Variants in DOK5 observed in about 807,000 individuals in gnomAD.
The protein encoded by DOK5 is docking protein 5.
DOK5 carries 27 observed loss-of-function variants against 43.3 expected under a neutral mutation model. The ratio of observed to expected loss-of-function variants is 0.62; its 90% confidence interval spans 0.46 to 0.86. The LOEUF (loss-of-function observed/expected upper bound fraction) is 0.86, where lower values mean the gene tolerates loss of function less well. Ranked by LOEUF, DOK5 falls within the 40% of genes least tolerant of loss-of-function variation. DOK5 has a pLI of 0.00. For synonymous variants in DOK5, 146 were observed against 140.1 expected (o/e 1.04, Z -0.30); for missense variants, 373 against 392.9 (o/e 0.95, Z 0.43).
At position 54,562,728 on chromosome 20, in the gene DOK5, G is replaced by A. The variant is rs569226295; in HGVS notation, c.174+7688G>A. Among the ~76,000 whole-genome samples the A allele has an allele frequency of 4.7e-5, 7 of 149,962 alleles. No individual in the cohort carries two copies. In the East Asian group the frequency reaches 1.4e-3, roughly 29 times the overall value. On this transcript the variant is annotated intron_variant, in intron 2 of 7. Coordinates refer to ENST00000262593, the MANE Select transcript of DOK5 (RefSeq NM_018431.5). Reference sequence around the variant, plus strand: ...CCACTGTGCCAGGCCTCATTTGTACGCATATTTACATTAAAAAAATCAATC... The same window carrying A: ...CCACTGTGCCAGGCCTCATTTGTACACATATTTACATTAAAAAAATCAATC...
chr20:54,513,822 G>T (rs985762507), intron 1 of DOK5, among the ~76,000 whole-genome samples: 1 of 152,186 alleles, frequency 6.6e-6, no homozygotes, highest in Non-Finnish European at 1.5e-5. Flanking sequence ...ATAAATACGA[G>T]AACAGTTTTC....
chr20:54,606,413 G>A (rs1292565513), intron 5 of DOK5, among the ~76,000 whole-genome samples: 1 of 152,122 alleles, frequency 6.6e-6, no homozygotes, highest in East Asian at 1.9e-4. Flanking sequence ...GGAGGAATCG[G>A]GAGCAACAGA....
At chr20:54,555,174 A>G (rs1056743106) in intron 2 of DOK5, 134 bp downstream of exon 2, 1 of 624,770 alleles carries the variant, frequency 1.6e-6, no homozygotes, top group Non-Finnish European at 2.9e-6. Flanking sequence ...CACCCCTAAA[A>G]TAACATCTGC....
chr20:54,491,253 T>C (rs547637999), intron 1 of DOK5, among the ~76,000 whole-genome samples: 1 of 152,382 alleles, frequency 6.6e-6, no homozygotes, highest in South Asian at 2.1e-4. Context: ...TCTTAGTGGC[T>C]AGAATAGTAT....
chr20:54,556,750 G>T (rs148182425), intron 2 of DOK5, among the ~76,000 whole-genome samples: 36 of 152,214 alleles, frequency 2.4e-4, no homozygotes, highest in Middle Eastern at 3.4e-3. Context: ...ACCTTAGCCG[G>T]TCTGTAACTT....
chr20:54,480,564 C>T lies in DOK5; in HGVS notation c.66+4552C>T, dbSNP rs1981629091. Among the ~76,000 whole-genome samples, 3 of 152,212 alleles carry T rather than the reference C, an allele frequency of 2.0e-5. No homozygotes were observed. The South Asian group carries it at 6.2e-4, about 32-fold the overall frequency. Reference sequence around the variant, plus strand: ...CCAGCAGCCCTCGGGGCTGCTCCGTCTATGGAGTAGCCATTCTTTATGCCT... The same window carrying T: ...CCAGCAGCCCTCGGGGCTGCTCCGTTTATGGAGTAGCCATTCTTTATGCCT... On this transcript the variant is annotated intron_variant, in intron 1 of 7. Coordinates refer to ENST00000262593, the MANE Select transcript of DOK5 (RefSeq NM_018431.5).
chr20:54,626,862 C>T (rs543863789), intron 6 of DOK5, among the ~76,000 whole-genome samples: 223 of 152,306 alleles, frequency 1.5e-3, no homozygotes, highest in Middle Eastern at 6.8e-3. Context: ...CTACAGCCCA[C>T]GGGTGCAATC....
At chr20:54,646,755 T>C (rs550281025) in intron 7 of DOK5, among the ~76,000 whole-genome samples, 2 of 152,218 alleles carry the variant, frequency 1.3e-5, no homozygotes, top group Non-Finnish European at 2.9e-5. Context: ...GGAAATAGGA[T>C]TGGGAAAAGT....
intron 5 of DOK5, among the ~76,000 whole-genome samples, chr20:54,599,466 T>C (rs1986242594): frequency 6.6e-6 from 1 of 152,212 alleles, no homozygotes; most frequent in Non-Finnish European, 1.5e-5. Flanking sequence ...TTAATAATCA[T>C]CTTAATAGAT....
intron 2 of DOK5, among the ~76,000 whole-genome samples, chr20:54,579,930 A>C (rs1276660467): frequency 2.0e-5 from 3 of 152,000 alleles, no homozygotes; most frequent in Non-Finnish European, 4.4e-5. Flanking sequence ...TCCCTCCCCT[A>C]GCCCTCCATC....
chr20:54,644,200 G>A (rs1979259997), intron 7 of DOK5, among the ~76,000 whole-genome samples: 1 of 152,216 alleles, frequency 6.6e-6, no homozygotes, highest in Non-Finnish European at 1.5e-5. Context: ...ATCCTAGTAA[G>A]CTCTTCTTCT....
chr20:54,643,434 C>T (rs1188770216), intron 6 of DOK5, 24 bp from the exon 7 acceptor site: 2 of 1,611,694 alleles, frequency 1.2e-6, no homozygotes, highest in Admixed American at 3.3e-5. Context: ...TGCTGACGCA[C>T]AACTTTCTTC....
At chr20:54,629,473 C>T (rs1978465764) in intron 6 of DOK5, among the ~76,000 whole-genome samples, 1 of 152,228 alleles carries the variant, frequency 6.6e-6, no homozygotes, top group African/African-American at 2.4e-5. Flanking sequence ...ACCCAGTTTA[C>T]ATTCTCTGAA....
intron 6 of DOK5, among the ~76,000 whole-genome samples, chr20:54,615,410 C>T (rs1217052054): frequency 6.6e-6 from 1 of 152,104 alleles, no homozygotes; most frequent in Non-Finnish European, 1.5e-5. Flanking sequence ...GTATCCTGGT[C>T]TATCCAGGTG....
At chr20:54,499,933 C>CTCTGCTATATTGATGCATAG (rs1378242942) in intron 1 of DOK5, among the ~76,000 whole-genome samples, 32 of 152,346 alleles carry the variant, frequency 2.1e-4, no homozygotes, top group African/African-American at 7.5e-4. Flanking sequence ...TCTGCTTAAT[C>CTCTGCTATATTGATGCATAG]TCTGCTATAT....
rs185865022 is a variant in DOK5, at chr20:54,571,635, G to T, written c.174+16595G>T. On this transcript the variant is annotated intron_variant, in intron 2 of 7. Coordinates refer to ENST00000262593, the MANE Select transcript of DOK5 (RefSeq NM_018431.5). ...ACATTGCCAAGTATCTCTGGGGAAG[G>T]GGGGTGGGCAAAATCTTCCCCAGAC... Among the ~76,000 whole-genome samples, 389 of 152,234 alleles carry T rather than the reference G, an allele frequency of 2.6e-3. 2 individuals are homozygous for T. The Middle Eastern group carries it at 0.031, about 12-fold the overall frequency.
At chr20:54,534,648 A>C (rs1432290633) in intron 1 of DOK5, among the ~76,000 whole-genome samples, 1 of 152,198 alleles carries the variant, frequency 6.6e-6, no homozygotes, top group African/African-American at 2.4e-5. Flanking sequence ...TACTTAGTTG[A>C]ATACCTGTCA....
chr20:54,648,527 C>T (rs986131948), intron 7 of DOK5, among the ~76,000 whole-genome samples: 4 of 152,112 alleles, frequency 2.6e-5, no homozygotes, highest in East Asian at 1.9e-4. Context: ...GGCAGCCATA[C>T]CGAGAGCCAG....
chr20:54,584,535 A>G (rs1243927496), intron 2 of DOK5, among the ~76,000 whole-genome samples: 2 of 151,434 alleles, frequency 1.3e-5, no homozygotes, highest in Admixed American at 1.3e-4. Flanking sequence ...TAGTTTTTAT[A>G]CTTTTATCTT....
Sources: gnomAD v4.1 joint callset for allele counts (sites outside exome capture counted in the v4.1 genomes callset) on GRCh38, gnomAD v4.1.1 for gene constraint, MANE v1.5 for transcripts, NCBI Gene and HGNC (gene_info 2026-07-23, HGNC 2026-07-21) for gene names.